The following SYT9 variants were observed in gnomAD, a reference collection of about 807,000 sequenced individuals.
SYT9 encodes synaptotagmin-9.
SYT9 carries 22 observed loss-of-function variants against 48.4 expected under a neutral mutation model. The ratio of observed to expected loss-of-function variants is 0.45; its 90% CI spans 0.32 to 0.65. The LOEUF (loss-of-function observed/expected upper bound fraction) is 0.65. SYT9 is among the 30% of genes least tolerant of loss of function. SYT9 has a pLI of 0.03. For synonymous variants in SYT9, 265 were observed against 245.0 expected (o/e 1.08, Z -0.76); for missense variants, 577 against 622.0 (o/e 0.93, Z 0.77).
At chr11:7,341,927 G>A (rs1849720277) in intron 3 of SYT9, among the ~76,000 whole-genome samples, 1 of 152,024 alleles carries the variant, frequency 6.6e-6, no homozygotes, top group South Asian at 2.1e-4. Flanking sequence ...CATGGTGGAA[G>A]GCAAAAGGCA....
chr11:7,358,742 G>A (rs189310751), intron 3 of SYT9, among the ~76,000 whole-genome samples: 1 of 152,224 alleles, frequency 6.6e-6, no homozygotes, highest in Admixed American at 6.5e-5. Context: ...TACATTATTA[G>A]ATTGTCTAAT....
chr11:7,364,673 G>GTCTCT (rs1035339946), intron 3 of SYT9, among the ~76,000 whole-genome samples: 135 of 152,290 alleles, frequency 8.9e-4, no homozygotes, highest in African/African-American at 3.1e-3. Flanking sequence ...ATTCTCTGCT[G>GTCTCT]TCTCTTCATT....
intron 3 of SYT9, among the ~76,000 whole-genome samples, chr11:7,389,834 A>G (rs1360850218): frequency 1.3e-5 from 2 of 151,180 alleles, no homozygotes; most frequent in African/African-American, 4.9e-5. Context: ...GCTTGGGAGG[A>G]AAAAAAAACC....
rs1160598806 is a variant in SYT9, at chr11:7,325,487, G to T, written c.1044+11546G>T. Among the ~76,000 whole-genome samples the T allele has an allele frequency of 5.6e-3, 548 of 97,602 alleles. 4 individuals are homozygous for T. The highest frequency in any genetic ancestry group is 0.023 in the African/African-American group (521 of 22,424). The allele number at this position is 97,602 out of a possible 152,430, so 64.0% of individuals were successfully genotyped here. ...TGTATCCTGAGACTTTGCTGAAGTT[G>T]CTTATCAGCTTAAGGAGATTTTGGG... On this transcript the variant is annotated intron_variant, in intron 3 of 6. Transcript: ENST00000318881.
At chr11:7,382,684 G>A (rs1038417830) in intron 3 of SYT9, among the ~76,000 whole-genome samples, 4 of 152,192 alleles carry the variant, frequency 2.6e-5, no homozygotes, top group Admixed American at 2.0e-4. Flanking sequence ...AATGCTTTTC[G>A]TTGACCGTAA....
At chr11:7,442,033 A>G (rs2134134992) in intron 6 of SYT9, among the ~76,000 whole-genome samples, 3 of 152,150 alleles carry the variant, frequency 2.0e-5, no homozygotes, top group East Asian at 3.9e-4. Flanking sequence ...GCCTATTCCA[A>G]AAAGCTCAAG....
intron 3 of SYT9, among the ~76,000 whole-genome samples, chr11:7,395,573 A>G (rs1467577964): frequency 6.6e-6 from 1 of 152,058 alleles, no homozygotes; most frequent in African/African-American, 2.4e-5. Context: ...TGTTGAATTG[A>G]ACCCTTTATC....
At chr11:7,396,658 G>A (rs553621277) in intron 3 of SYT9, among the ~76,000 whole-genome samples, 257 of 152,214 alleles carry the variant, frequency 1.7e-3, no homozygotes, top group Non-Finnish European at 2.8e-3. Context: ...AATTGTAAGG[G>A]AAACTGCCAC....
intron 3 of SYT9, among the ~76,000 whole-genome samples, chr11:7,395,445 G>A (rs1477948523): frequency 6.6e-6 from 1 of 151,906 alleles, no homozygotes; most frequent in African/African-American, 2.4e-5. Context: ...TTCTTGGTGG[G>A]ATGTTGAAGT....
chr11:7,444,946 A>G (rs576352224), intron 6 of SYT9, among the ~76,000 whole-genome samples: 1 of 152,310 alleles, frequency 6.6e-6, no homozygotes, highest in Non-Finnish European at 1.5e-5. Flanking sequence ...TCATCCACTT[A>G]TCAAAGTCAG....
intron 3 of SYT9, among the ~76,000 whole-genome samples, chr11:7,385,926 G>A (rs1221283059): frequency 2.6e-5 from 4 of 152,152 alleles, no homozygotes; most frequent in Admixed American, 6.6e-5. Context: ...GAATCTGACC[G>A]TAATTATATT....
intron 1 of SYT9, among the ~76,000 whole-genome samples, chr11:7,278,238 T>C (rs1213075971): frequency 1.3e-5 from 2 of 152,186 alleles, no homozygotes; most frequent in Non-Finnish European, 2.9e-5. Context: ...TCCCCTCCCA[T>C]GATAACCTAT....
At chr11:7,375,447 G>A (rs1366768030) in intron 3 of SYT9, among the ~76,000 whole-genome samples, 1 of 152,132 alleles carries the variant, frequency 6.6e-6, no homozygotes, top group Non-Finnish European at 1.5e-5. Context: ...TTCTAATCCT[G>A]TGAAGAAAGT....
upstream of SYT9, among the ~76,000 whole-genome samples, chr11:7,248,193 T>G (rs1046030411): frequency 6.6e-6 from 1 of 152,174 alleles, no homozygotes; most frequent in African/African-American, 2.4e-5. Flanking sequence ...TCGTGTTGAT[T>G]TGTTTGAGTT....
chr11:7,410,048 A>T (rs1009099161), intron 3 of SYT9, among the ~76,000 whole-genome samples: 1 of 152,008 alleles, frequency 6.6e-6, no homozygotes, highest in East Asian at 1.9e-4. Context: ...CACATGTCTT[A>T]TTTACATTTG....
At chr11:7,250,411 C>T (rs1676562356), upstream of SYT9, among the ~76,000 whole-genome samples, 4 of 151,956 alleles carry the variant, frequency 2.6e-5, no homozygotes, top group South Asian at 8.3e-4. Flanking sequence ...TGTGCTTCAA[C>T]ACACATACCT....
At chr11:7,385,763 C>T (rs181338158) in intron 3 of SYT9, among the ~76,000 whole-genome samples, 5 of 152,328 alleles carry the variant, frequency 3.3e-5, no homozygotes, top group African/African-American at 1.2e-4. Flanking sequence ...CTACACTAGT[C>T]CAGTCCATCC....
chr11:7,241,293 G>A (rs1343028004), intron 1 of SYT9, among the ~76,000 whole-genome samples: 1 of 151,642 alleles, frequency 6.6e-6, no homozygotes, highest in Non-Finnish European at 1.5e-5. Flanking sequence ...ATATGAAAAG[G>A]AGTGAAAAAT....
intron 3 of SYT9, among the ~76,000 whole-genome samples, chr11:7,347,454 C>T (rs1347079491): frequency 2.6e-5 from 4 of 152,172 alleles, no homozygotes; most frequent in Middle Eastern, 3.4e-3. Flanking sequence ...AGGCTGGTCT[C>T]GAACTCCTGA....
Sources: allele counts gnomAD v4.1 joint callset (sites outside exome capture counted in the v4.1 genomes callset), GRCh38; gene constraint gnomAD v4.1.1; transcripts MANE v1.5; gene names NCBI Gene and HGNC (gene_info 2026-07-23, HGNC 2026-07-21).